Variants in TAL1 observed in about 807,000 individuals in gnomAD.
TAL1 encodes TAL bHLH transcription factor 1, erythroid differentiation factor, also known as T-cell acute lymphocytic leukemia protein 1.
TAL1 carries 8 observed loss-of-function variants against 17.9 expected under a neutral mutation model. The observed-to-expected ratio is 0.45, with a 90% CI of 0.26 to 0.81. The LOEUF (loss-of-function observed/expected upper bound fraction) is 0.81, where lower values mean the gene tolerates loss of function less well. Among genes scored for constraint, TAL1 ranks in the 30% least tolerant of loss-of-function variants. The pLI is 0.17. For synonymous variants in TAL1, 223 were observed against 218.6 expected, an observed-to-expected ratio of 1.02 and a Z score of -0.18; for missense variants, 466 against 486.9, an observed-to-expected ratio of 0.96 and a Z score of 0.40.
intron 1 of TAL1, chr1:47,226,122 A>T: frequency 2.0e-6 from 1 of 488,396 alleles, no homozygotes; most frequent in Non-Finnish European, 3.6e-6. Flanking sequence ...CCTGGGAGAC[A>T]CAGAGACTGA....
At chr1:47,224,087 C>G in exon 3 of TAL1, 2 of 1,613,822 alleles carry the variant, frequency 1.2e-6, no homozygotes, top group Non-Finnish European at 1.7e-6. Flanking sequence ...ATCCGGCTCC[C>G]CAAAGAACCC....
intron 1 of TAL1, 50 bp from the exon 3 acceptor site, chr1:47,225,939 T>C: frequency 1.3e-6 from 2 of 1,530,212 alleles, no homozygotes; most frequent in Admixed American, 1.9e-5. Context: ...CGACCGCCCC[T>C]GACCCACCGA....
In TAL1 at chr1:47,217,902, A is replaced by T; in HGVS notation, c.*1818T>A. The T allele has an allele frequency of 1.0e-5, 4 of 397,422 alleles. No homozygotes were observed. The East Asian group carries it at 1.4e-4, about 14-fold the overall frequency. The allele number at this position is 397,422 out of a possible 1,614,324, so 24.6% of individuals were successfully genotyped here. ...AAGGAACCAACCCTAATTTTCACCAAAACATGATCTGGGGAGCCTGAAATT... is the reference window on the plus strand; with the variant it reads ...AAGGAACCAACCCTAATTTTCACCATAACATGATCTGGGGAGCCTGAAATT... On this transcript the variant is annotated 3_prime_UTR_variant, in exon 4 of 4. Coordinates refer to ENST00000294339, the Ensembl canonical transcript of TAL1.
exon 4 of TAL1, chr1:47,219,885 T>G: frequency 1.3e-6 from 2 of 1,575,100 alleles, no homozygotes; most frequent in Non-Finnish European, 1.7e-6. Flanking sequence ...GGAGGTCATC[T>G]GGGGGCGCGC....
chr1:47,221,150 GCA>G (rs1643796374), intron 3 of TAL1, among the ~76,000 whole-genome samples: 1 of 152,328 alleles, frequency 6.6e-6, no homozygotes, highest in Admixed American at 6.5e-5. Flanking sequence ...GTGATGGAAA[GCA>G]CAGAGTAGGG....
In TAL1 at chr1:47,219,228, C is replaced by T. The variant is rs554709407; in HGVS notation, c.*492G>A. On this transcript the variant is annotated 3_prime_UTR_variant, in exon 4 of 4. Coordinates refer to ENST00000294339, the Ensembl canonical transcript of TAL1. ...GCAAGCTGGATGGATCAACATAGGCCTGGGTGAAGATGGGGCTCACGAAAT... is the reference window on the plus strand; with the variant it reads ...GCAAGCTGGATGGATCAACATAGGCTTGGGTGAAGATGGGGCTCACGAAAT... 11 of 442,798 alleles carry T rather than the reference C, an allele frequency of 2.5e-5. No individual in the cohort carries two copies. In the East Asian group the frequency reaches 3.6e-4, roughly 15 times the overall value. 27.4% of individuals were successfully genotyped at this position (442,798 alleles called of 1,614,324 possible).
At position 47,226,213 on chromosome 1, in the gene TAL1, G is replaced by C; in HGVS notation, c.-1-324C>G. ...ACAGCCAGCGACAGAAACACAGAAGGGGAAATCAGGAGGAAGGAAATGTAC... is the reference window on the plus strand; with the variant it reads ...ACAGCCAGCGACAGAAACACAGAAGCGGAAATCAGGAGGAAGGAAATGTAC... On this transcript the variant is annotated intron_variant, in intron 1 of 3. Transcript: ENST00000294339. 8.4e-6 allele frequency: 3 copies of C among 355,776 alleles called. No individual in the cohort carries two copies. In the South Asian group the frequency reaches 2.1e-4, roughly 25 times the overall value. The allele number at this position is 355,776 out of a possible 1,614,324, so 22.0% of individuals were successfully genotyped here. A position where few individuals can be genotyped will look rare whatever the true frequency, so the allele number is the denominator to read the frequency against.
exon 4 of TAL1, chr1:47,219,934 A>G: frequency 9.6e-7 from 1 of 1,045,282 alleles, no homozygotes; most frequent in Non-Finnish European, 1.2e-6. Flanking sequence ...AGCCCCCACC[A>G]CAGGGTCCTT....
intron 1 of TAL1, chr1:47,226,311 T>G: frequency 1.8e-5 from 3 of 164,138 alleles, no homozygotes; most frequent in Non-Finnish European, 3.9e-5. Context: ...AAATTCCGGA[T>G]CGTGCTCTTT....
rs371313263 is a variant in TAL1 at position 47,223,964 on chromosome 1, C to T, written c.541+40G>A. 113 of 1,583,080 alleles carry T rather than the reference C, an allele frequency of 7.1e-5. No homozygotes were observed. In the East Asian group the frequency reaches 1.3e-3, roughly 18 times the overall value. ...CCCTCCTCCAGAGGGCTCTAACCAG[C>T]GTGAGGGGCAGGTACAACGGTGGGG... On this transcript the variant is annotated intron_variant, in intron 3 of 3. Transcript: ENST00000294339.
intron 3 of TAL1, among the ~76,000 whole-genome samples, chr1:47,223,130 T>A (rs1643856739): frequency 1.3e-5 from 2 of 152,144 alleles, no homozygotes; most frequent in South Asian, 4.1e-4. Context: ...TCCCACCAGT[T>A]TGGAGCATAA....
chr1:47,223,946 C>G, intron 3 of TAL1, 58 bp downstream of exon 4: 1 of 1,522,764 alleles, frequency 6.6e-7, no homozygotes, highest in Non-Finnish European at 9.1e-7. Flanking sequence ...GTTCCCTCCT[C>G]CAGAGGGCTC....
chr1:47,222,089 C>G (rs1643823794), intron 3 of TAL1, among the ~76,000 whole-genome samples: 1 of 152,234 alleles, frequency 6.6e-6, no homozygotes, highest in African/African-American at 2.4e-5. Flanking sequence ...GCTTTCAGGC[C>G]TCCAGGCCAG....
chr1:47,226,569 G>A (rs891245960), intron 1 of TAL1, among the ~76,000 whole-genome samples: 1 of 152,174 alleles, frequency 6.6e-6, no homozygotes, highest in African/African-American at 2.4e-5. Flanking sequence ...GGGGAGTGAG[G>A]GAGTGTCTGT....
chr1:47,228,467 T>G (rs558361420), intron 1 of TAL1: 60 of 193,220 alleles, frequency 3.1e-4, no homozygotes, highest in Non-Finnish European at 5.4e-4. Flanking sequence ...ACCCTGCTTA[T>G]AGCCCCCAAC....
At chr1:47,222,321 G>A (rs1341128997) in intron 3 of TAL1, among the ~76,000 whole-genome samples, 1 of 152,152 alleles carries the variant, frequency 6.6e-6, no homozygotes, top group Non-Finnish European at 1.5e-5. Context: ...TTAGCTGTGT[G>A]ACCCAGGACT....
intron 2 of TAL1, among the ~76,000 whole-genome samples, chr1:47,224,579 TC>T (rs902530208): frequency 6.6e-6 from 1 of 152,066 alleles, no homozygotes; most frequent in Non-Finnish European, 1.5e-5. Flanking sequence ...GGGCACACTG[TC>T]CCCTCTCCCC....
intron 3 of TAL1, among the ~76,000 whole-genome samples, chr1:47,222,727 G>T (rs1643842497): frequency 6.6e-6 from 1 of 151,976 alleles, no homozygotes; most frequent in Non-Finnish European, 1.5e-5. Flanking sequence ...TACCCCTCCT[G>T]GTGTCCTCTG....
At chr1:47,224,389 TA>T (rs1439688952) in intron 2 of TAL1, among the ~76,000 whole-genome samples, 5 of 131,948 alleles carry the variant, frequency 3.8e-5, no homozygotes, top group Non-Finnish European at 6.4e-5. Context: ...ACACATGGAA[TA>T]AACACAAAAA....
Sources: allele counts gnomAD v4.1 joint callset (sites outside exome capture counted in the v4.1 genomes callset), GRCh38; gene constraint gnomAD v4.1.1; transcripts MANE v1.5; gene names NCBI Gene and HGNC (gene_info 2026-07-23, HGNC 2026-07-21).